Variants in USP14 observed in about 807,000 individuals in gnomAD.
USP14 encodes ubiquitin specific peptidase 14.
A neutral mutation model predicts 76.5 loss-of-function variants in USP14; 38 were observed. The ratio of observed to expected loss-of-function variants is 0.50; its 90% CI spans 0.38 to 0.65. The LOEUF is 0.65. Among genes scored for constraint, USP14 ranks in the 30% least tolerant of loss-of-function variants. USP14 has a pLI of 0.00. For missense variants in USP14, 467 were observed against 586.5 expected (o/e 0.80, Z 2.10); for synonymous variants, 192 against 191.7 (o/e 1.00, Z -0.01).
chr18:172,663 A>G (rs1568417251), intron 3 of USP14, among the ~76,000 whole-genome samples: 1 of 151,568 alleles, frequency 6.6e-6, no homozygotes, highest in Admixed American at 6.6e-5. Flanking sequence ...TGGAAACAAG[A>G]CCCCCCACCT....
intron 15 of USP14, 63 bp downstream of exon 15, chr18:210,556 T>C: frequency 1.6e-6 from 2 of 1,271,998 alleles, no homozygotes; most frequent in Non-Finnish European, 2.2e-6. Context: ...TTATAAATTT[T>C]ATAGCAGTGT....
Position 179,057 on chromosome 18 carries a change from A to T in USP14, c.300+20A>T. ...TCTGCTGTAAGACACACCAGATTTT[A>T]TGTGTTTGATCACTACTTTTTGAAG... is the stretch of plus-strand genomic sequence containing the variant. On this transcript the variant is annotated intron_variant, in intron 4 of 15. Coordinates refer to ENST00000261601, the MANE Select transcript of USP14 (RefSeq NM_005151.4). 6.4e-7 allele frequency: 1 copy of T among 1,551,328 alleles called. No homozygotes were observed. The highest frequency in any genetic ancestry group is 8.8e-7 in the Non-Finnish European group (1 of 1,140,160).
At chr18:175,347 T>C (rs983782026) in intron 3 of USP14, among the ~76,000 whole-genome samples, 12 of 152,206 alleles carry the variant, frequency 7.9e-5, no homozygotes, top group Admixed American at 7.9e-4. Flanking sequence ...GCCTTTTTCC[T>C]GACCTTAGGG....
At chr18:204,542 T>A in intron 12 of USP14, 22 bp from the exon 13 acceptor site, 4 of 1,538,632 alleles carry the variant, frequency 2.6e-6, no homozygotes, top group Non-Finnish European at 3.5e-6. Flanking sequence ...TTTACACATG[T>A]TTTTTGTTTG....
intron 15 of USP14, 85 bp from the exon 16 acceptor site, chr18:211,048 C>A: frequency 7.0e-7 from 1 of 1,420,384 alleles, no homozygotes; most frequent in Non-Finnish European, 9.6e-7. Flanking sequence ...TGCTGTGCCT[C>A]CGATGACTTG....
chr18:190,311 A>C (rs1043988621), intron 5 of USP14, among the ~76,000 whole-genome samples: 7 of 152,208 alleles, frequency 4.6e-5, no homozygotes, highest in African/African-American at 1.7e-4. Flanking sequence ...GTATGTATGC[A>C]TATGCACAAA....
At chr18:180,178 G>A (rs927361517) in intron 4 of USP14, 58 bp from the exon 5 acceptor site, 27 of 937,714 alleles carry the variant, frequency 2.9e-5, no homozygotes, top group Admixed American at 1.1e-4. Flanking sequence ...TATATGCCAT[G>A]TCATTTTGTA....
rs559666833 is a variant in USP14 at position 179,574 on chromosome 18, T to C, written c.300+537T>C. On this transcript the variant is annotated intron_variant, in intron 4 of 15. Transcript: ENST00000261601. ...TAGTGCCATTCATTCATTTTCATGG[T>C]TTTTTTTTTTGCTTTTTTTTTTTTT... is the stretch of plus-strand genomic sequence containing the variant. Among the ~76,000 whole-genome samples the C allele has an allele frequency of 9.9e-5, 14 of 141,106 alleles. 1 individual carries two copies. Among genetic ancestry groups the C allele is most frequent in the African/African-American group, 3.4e-4 (13 of 37,744 alleles). The allele number at this position is 141,106 out of a possible 152,430, so 92.6% of individuals were successfully genotyped here. A position where few individuals can be genotyped will look rare whatever the true frequency, so the allele number is the denominator to read the frequency against.
intron 3 of USP14, among the ~76,000 whole-genome samples, chr18:172,742 A>C (rs1909500622): frequency 6.6e-6 from 1 of 152,156 alleles, no homozygotes; most frequent in South Asian, 2.1e-4. Flanking sequence ...AATTATTTTA[A>C]AATTAAGGTA....
chr18:186,120 G>A (rs1227852326), intron 5 of USP14, among the ~76,000 whole-genome samples: 2 of 152,088 alleles, frequency 1.3e-5, no homozygotes, highest in Admixed American at 1.3e-4. Flanking sequence ...CGGCCCTTAT[G>A]TCAGGATATG....
At chr18:196,394 T>G in intron 6 of USP14, 1 of 282,652 alleles carries the variant, frequency 3.5e-6, no homozygotes. Flanking sequence ...AATGGTGGCG[T>G]GTGCCTGTAA....
chr18:171,021 A>AT (rs1555762320), intron 3 of USP14, among the ~76,000 whole-genome samples: 102 of 84,494 alleles, frequency 1.2e-3, no homozygotes, highest in Non-Finnish European at 1.5e-3. Context: ...AAAAAAAAAA[A>AT]AAAAATATAT....
chr18:205,467 T>C (rs1910504210), intron 13 of USP14, among the ~76,000 whole-genome samples: 2 of 152,172 alleles, frequency 1.3e-5, no homozygotes. Context: ...TTCATTTCTA[T>C]AATTTTTGTC....
At chr18:207,855 CCTTT>C (rs1330351617) in intron 13 of USP14, among the ~76,000 whole-genome samples, 1 of 152,030 alleles carries the variant, frequency 6.6e-6, no homozygotes, top group Non-Finnish European at 1.5e-5. Context: ...AAATGGCATT[CCTTT>C]CTTAATTTCA....
intron 2 of USP14, 136 bp from the exon 3 acceptor site, chr18:166,651 T>C: frequency 8.9e-7 from 1 of 1,123,252 alleles, no homozygotes; most frequent in Non-Finnish European, 1.2e-6. Context: ...TTTTTTTAAT[T>C]GCCATAATTT....
chr18:204,750 G>A, intron 13 of USP14, 58 bp downstream of exon 13: 1 of 1,566,670 alleles, frequency 6.4e-7, no homozygotes, highest in Non-Finnish European at 8.6e-7. Flanking sequence ...TCAGTGCTCA[G>A]CAATTACTCT....
chr18:197,741 A>ATTTTTTTTTTTTTTT, intron 8 of USP14, 45 bp downstream of exon 8: 1 of 1,299,560 alleles, frequency 7.7e-7, no homozygotes. Flanking sequence ...TTATACCTTG[A>ATTTTTTTTTTTTTTT]TTTTTTTTTT....
rs950696148 is a variant in USP14 at position 212,118 on chromosome 18, A to G, written c.*834A>G. 6.6e-6 allele frequency: 1 copy of G among 152,194 alleles called. No homozygotes were observed. Among genetic ancestry groups the G allele is most frequent in the Admixed American group, 6.5e-5 (1 of 15,278 alleles). 9.4% of individuals were successfully genotyped at this position (152,194 alleles called of 1,614,324 possible). On this transcript the variant is annotated 3_prime_UTR_variant, in exon 16 of 16. Transcript: ENST00000261601. ...CTGAAGACATGTTTAATACTGTACA[A>G]TTTCTGAAGATGGTTATTAACACTG...
rs983368015 is a variant in USP14 at position 207,268 on chromosome 18, T to C, written c.1164+2576T>C. Among the ~76,000 whole-genome samples the C allele has an allele frequency of 1.9e-4, 28 of 145,404 alleles. 1 individual carries two copies. Among genetic ancestry groups the C allele is most frequent in the African/African-American group, 5.7e-4 (23 of 40,564 alleles). On this transcript the variant is annotated intron_variant, in intron 13 of 15. Transcript: ENST00000261601. ...GAAGTATCAGCCTTCACTTTTGTTC[T>C]TCTTTTTGAAAGTTATTTTAGCTAT...
Sources: allele counts gnomAD v4.1 joint callset (sites outside exome capture counted in the v4.1 genomes callset), GRCh38; gene constraint gnomAD v4.1.1; transcripts MANE v1.5; gene names NCBI Gene and HGNC (gene_info 2026-07-23, HGNC 2026-07-21).